USP22: variants seen among roughly 807,000 people sequenced by gnomAD.
USP22 encodes ubiquitin specific peptidase 22.
Under a neutral mutation model 68.1 loss-of-function variants are expected in USP22, and 22 were observed. The observed-to-expected ratio is 0.32, with a 90% CI of 0.23 to 0.46. The LOEUF is 0.46. Among genes scored for constraint, USP22 ranks in the 20% least tolerant of loss-of-function variants. USP22 has a pLI of 1.00. For synonymous variants in USP22, 279 were observed against 274.2 expected, an observed-to-expected ratio of 1.02 and a Z score of -0.17; for missense variants, 433 against 695.8, an observed-to-expected ratio of 0.62 and a Z score of 4.25.
At position 21,006,705 on chromosome 17, in the gene USP22, A is replaced by G. The variant is rs113302002; in HGVS notation, c.1322+191T>C. 1,878 of 350,286 alleles carry G rather than the reference A, an allele frequency of 5.4e-3. 37 individuals are homozygous for G. The highest frequency in any genetic ancestry group is 0.036 in the African/African-American group (1,702 of 46,796). 21.7% of individuals were successfully genotyped at this position (350,286 alleles called of 1,614,324 possible). ...TTTTTAGTAGAGACGGGGTTTCACCATGTTGGCCATGATGGTCTCAATCTG... is the reference window on the plus strand; with the variant it reads ...TTTTTAGTAGAGACGGGGTTTCACCGTGTTGGCCATGATGGTCTCAATCTG... On this transcript the variant is annotated intron_variant, in intron 10 of 12. Transcript: ENST00000261497.
intron 5 of USP22, 142 bp downstream of exon 5, chr17:21,017,800 A>G: frequency 9.2e-7 from 1 of 1,089,516 alleles, no homozygotes; most frequent in Non-Finnish European, 1.3e-6. Flanking sequence ...TGTTTTCCAT[A>G]ATAGACATGT....
intron 1 of USP22, among the ~76,000 whole-genome samples, chr17:21,038,310 G>C (rs2058803261): frequency 6.6e-6 from 1 of 151,970 alleles, no homozygotes; most frequent in South Asian, 2.1e-4. Context: ...AACAAGTAAT[G>C]AGAGCTCTCT....
chr17:21,017,857 T>C lies in USP22; in HGVS notation c.690+85A>G. 5.9e-6 allele frequency: 9 copies of C among 1,518,550 alleles called. No individual in the cohort carries two copies. The South Asian group carries it at 1.1e-4, about 18-fold the overall frequency. The allele number at this position is 1,518,550 out of a possible 1,614,324, so 94.1% of individuals were successfully genotyped here. A position where few individuals can be genotyped will look rare whatever the true frequency, so the allele number is the denominator to read the frequency against. ...CAAAAGGTTCTAAATGTATCTTCCT[T>C]TATCATGGTCCACCTTAAATTTTTT... On this transcript the variant is annotated intron_variant, in intron 5 of 12. Coordinates refer to ENST00000261497, the MANE Select transcript of USP22 (RefSeq NM_015276.2).
intron 6 of USP22, among the ~76,000 whole-genome samples, chr17:21,014,535 A>G (rs900517061): frequency 6.6e-6 from 1 of 152,244 alleles, no homozygotes; most frequent in Non-Finnish European, 1.5e-5. Flanking sequence ...AGTAAGTACC[A>G]AAAGAAAACA....
At chr17:21,008,964 G>A (rs1436047567) in intron 8 of USP22, among the ~76,000 whole-genome samples, 1 of 151,996 alleles carries the variant, frequency 6.6e-6, no homozygotes, top group Non-Finnish European at 1.5e-5. Context: ...GGTGGTGCAT[G>A]CCTATAATCC....
At chr17:21,029,902 A>G (rs1010203620) in intron 1 of USP22, among the ~76,000 whole-genome samples, 2 of 152,234 alleles carry the variant, frequency 1.3e-5, no homozygotes, top group African/African-American at 4.8e-5. Context: ...AGGAACAAAT[A>G]AAAACATTTT....
At chr17:21,020,244 C>CAAAAAAAAAAAAAAAAAAAAAAAAAAA (rs3047597) in intron 3 of USP22, among the ~76,000 whole-genome samples, 3 of 73,250 alleles carry the variant, frequency 4.1e-5, no homozygotes, top group Non-Finnish European at 2.5e-5. Context: ...AATCAAAAAC[C>CAAAAAAAAAAAAAAAAAAAAAAAAAAA]AAAAAAAAAA....
intron 2 of USP22, among the ~76,000 whole-genome samples, chr17:21,027,400 C>T (rs377119788): frequency 6.6e-6 from 1 of 151,536 alleles, no homozygotes; most frequent in Admixed American, 6.6e-5. Flanking sequence ...CTGTAAGGGA[C>T]GTGGGTGCAG....
At position 21,002,900 on chromosome 17, in the gene USP22, T is replaced by C; in HGVS notation, c.*131A>G. 17 of 1,123,066 alleles carry C rather than the reference T, an allele frequency of 1.5e-5. No individual in the cohort carries two copies. The highest frequency in any genetic ancestry group is 2.1e-5 in the Non-Finnish European group (16 of 756,382). The allele number at this position is 1,123,066 out of a possible 1,614,324, so 69.6% of individuals were successfully genotyped here. On this transcript the variant is annotated 3_prime_UTR_variant, in exon 13 of 13. Coordinates refer to ENST00000261497, the MANE Select transcript of USP22 (RefSeq NM_015276.2). ...GGGTCCCAGGTGCAGAGGGGCCACATCTGCATGGGAGGTGGTGTCACCAGG... is the reference window on the plus strand; with the variant it reads ...GGGTCCCAGGTGCAGAGGGGCCACACCTGCATGGGAGGTGGTGTCACCAGG...
chr17:21,015,867 C>A lies in USP22; in HGVS notation c.723G>T (p.Pro241=), dbSNP rs775404404. ...FYSGHRSPHI[P]YKLLHLVWTH... ...TCCACACCAGGTGCAGCAACTTATA[C>A]GGGATGTGAGGGGACCGGTGTCCAG... The change falls in exon 6 of 13, where the codon CCG becomes CCT. Residue 241 remains proline (P), a synonymous_variant. Transcript: ENST00000261497. The A allele has an allele frequency of 1.2e-6, 2 of 1,614,058 alleles. No individual in the cohort carries two copies. Among genetic ancestry groups the A allele is most frequent in the South Asian group, 1.1e-5 (1 of 91,052 alleles).
intron 1 of USP22, among the ~76,000 whole-genome samples, chr17:21,040,603 C>CG (rs1555531189): frequency 7.1e-6 from 1 of 140,832 alleles, no homozygotes; most frequent in African/African-American, 2.6e-5. Flanking sequence ...ATAAGTAGCG[C>CG]AAAAAAAAAA....
rs114009885 is a variant in USP22, at chr17:21,012,784, G to A, written c.944+46C>T. 2.0e-3 allele frequency: 3,152 copies of A among 1,546,520 alleles called. 62 individuals carry two copies. In the African/African-American group the frequency reaches 0.036, roughly 18 times the overall value. On this transcript the variant is annotated intron_variant, in intron 7 of 12. Coordinates refer to ENST00000261497, the MANE Select transcript of USP22 (RefSeq NM_015276.2). The stretch of plus-strand genomic sequence containing the variant: ...CTGGAGACTGGGAGGATGTCAGTAC[G>A]GCCCCAGAGGGTTTGATATTGCCGA...
At chr17:21,025,488 C>T (rs770847274) in intron 2 of USP22, among the ~76,000 whole-genome samples, 1 of 152,196 alleles carries the variant, frequency 6.6e-6, no homozygotes, top group Non-Finnish European at 1.5e-5. Flanking sequence ...ACCCTGCCAG[C>T]TCACTTCTAG....
chr17:21,007,074 T>C (rs1913805600), intron 9 of USP22, 87 bp from the exon 10 acceptor site: 4 of 1,136,294 alleles, frequency 3.5e-6, no homozygotes, highest in South Asian at 3.1e-5. Flanking sequence ...TGATGACAGG[T>C]GTCTGTGTTA....
chr17:21,032,975 C>A (rs1210539625), intron 1 of USP22, among the ~76,000 whole-genome samples: 2 of 148,604 alleles, frequency 1.3e-5, no homozygotes, highest in Non-Finnish European at 3.0e-5. Context: ...ATTCCCCAGG[C>A]ACCCTTGCAG....
rs369892295 is a variant in USP22, at chr17:21,028,564, C to T, written c.282G>A (p.Ala94=). The change falls in exon 2 of 13, where the codon GCG becomes GCA. Residue 94 remains alanine (A), a synonymous_variant. Coordinates refer to ENST00000261497, the MANE Select transcript of USP22 (RefSeq NM_015276.2). ...CACCCAGGTTGTGCCGCTTCGCCTT[C>T]GCATGCTCGTGAATATGCTTCTTTG... ...CFTKKHIHEH[A]KAKRHNLAID... The T allele has an allele frequency of 2.2e-5, 35 of 1,613,964 alleles. No homozygotes were observed. Among genetic ancestry groups the T allele is most frequent in the East Asian group, 6.7e-5 (3 of 44,894 alleles).
chr17:21,020,904 C>CATTAATCTCACGG, intron 3 of USP22, among the ~76,000 whole-genome samples: 1 of 152,166 alleles, frequency 6.6e-6, no homozygotes, highest in East Asian at 1.9e-4. Flanking sequence ...AGCACACGGG[C>CATTAATCTCACGG]AGCTATGCAT....
chr17:21,004,243 G>C lies in USP22; in HGVS notation c.1494C>G (p.Ile498Met). The C allele has an allele frequency of 6.2e-7, 1 of 1,614,216 alleles. No individual in the cohort carries two copies. Among genetic ancestry groups the C allele is most frequent in the Non-Finnish European group, 8.5e-7 (1 of 1,180,030 alleles). Residue 498 changes from isoleucine to methionine, a missense_variant, in exon 12 of 13, where the codon ATC becomes ATG. This residue lies in a region of USP22 where 178 missense variants were observed against 351.5 expected (regional missense o/e 0.51). Transcript: ENST00000261497. ...CGTCCTTGATGCTGGCCTTGGTGAT[G>C]ATGGCATCGTCACACTTGAACCACT... is the stretch of plus-strand genomic sequence containing the variant. ...KDQWFKCDDA[I>M]ITKASIKDVL...
At chr17:21,037,528 A>G (rs1431816108) in intron 1 of USP22, among the ~76,000 whole-genome samples, 1 of 152,214 alleles carries the variant, frequency 6.6e-6, no homozygotes, top group Admixed American at 6.5e-5. Context: ...CAGCTGAATC[A>G]TGAGAAAAAC....
Sources: allele counts gnomAD v4.1 joint callset (sites outside exome capture counted in the v4.1 genomes callset), GRCh38; gene constraint gnomAD v4.1.1; regional missense constraint gnomAD v4.1.1; transcripts MANE v1.5; gene names NCBI Gene and HGNC (gene_info 2026-07-23, HGNC 2026-07-21).